The following KCNH4 variants were observed in gnomAD, a reference collection of about 807,000 sequenced individuals.
The protein encoded by KCNH4 is potassium voltage-gated channel subfamily H member 4.
A neutral mutation model predicts 90.7 loss-of-function variants in KCNH4; 33 were observed. That is an observed-to-expected ratio of 0.36 (90% CI 0.28 to 0.49). KCNH4 has a LOEUF of 0.49. Ranked by LOEUF, KCNH4 falls within the 20% of genes least tolerant of loss-of-function variation. The probability of loss-of-function intolerance (pLI) is 0.98; values close to 1 mark genes in which losing one functional copy is unlikely to be tolerated. For missense variants in KCNH4, 1,044 were observed against 1,387.1 expected (o/e 0.75, Z 3.93); for synonymous variants, 551 against 581.7 (o/e 0.95, Z 0.76).
chr17:42,162,136 G>A (rs2079753316), intron 15 of KCNH4, 112 bp downstream of exon 15: 1 of 833,084 alleles, frequency 1.2e-6, no homozygotes, highest in Non-Finnish European at 2.0e-6. Context: ...AGCAGAGATA[G>A]GGTTTCATCA....
chr17:42,172,816 C>T (rs1223216641), intron 6 of KCNH4, among the ~76,000 whole-genome samples: 1 of 151,940 alleles, frequency 6.6e-6, no homozygotes, highest in Non-Finnish European at 1.5e-5. Context: ...GCAACAGTCT[C>T]TGCAGAGCCC....
chr17:42,161,391 G>T (rs1007128538), intron 15 of KCNH4, among the ~76,000 whole-genome samples: 2 of 152,208 alleles, frequency 1.3e-5, no homozygotes, highest in Non-Finnish European at 2.9e-5. Context: ...TGGGATGCCC[G>T]ATGTTTATCA....
chr17:42,169,629 G>A lies in KCNH4; in HGVS notation c.1438C>T (p.Arg480Cys), dbSNP rs1226067625. Residue 480 changes from arginine (R) to cysteine (C), a missense_variant, in exon 9 of 17, where the codon CGC (arginine) becomes TGC (cysteine). This residue lies in a region of KCNH4 where 318 missense variants were observed against 479.6 expected (regional missense o/e 0.66). Transcript: ENST00000264661. ...VFGNVTAIIQRMYSRRSLYHS... is the reference protein window; with the variant it reads ...VFGNVTAIIQCMYSRRSLYHS... Reference sequence around the variant, plus strand: ...TAGAGCGAGCGGCGCGAGTACATGCGCTGGATGATGGCTGTCACGTTCCCG... The same window carrying A: ...TAGAGCGAGCGGCGCGAGTACATGCACTGGATGATGGCTGTCACGTTCCCG... The A allele has an allele frequency of 1.2e-6, 2 of 1,614,004 alleles. No homozygotes were observed. The highest frequency in any genetic ancestry group is 1.7e-6 in the Non-Finnish European group (2 of 1,180,008).
chr17:42,160,566 G>A, intron 15 of KCNH4, 131 bp from the exon 16 acceptor site: 5 of 928,276 alleles, frequency 5.4e-6, no homozygotes, highest in Non-Finnish European at 7.8e-6. Flanking sequence ...GCAGGATGAG[G>A]GTTATTTTTG....
In KCNH4 at chr17:42,163,144, G is replaced by A; in HGVS notation, c.2584+84C>T. ...ATTCCCAGGATGGCACCTGGCACAT[G>A]GTAGGCCCCTACTACATATGGGATG... is the stretch of plus-strand genomic sequence containing the variant. On this transcript the variant is annotated intron_variant, in intron 14 of 16. Transcript: ENST00000264661. The surrounding 1 kb of genome is among the most constrained non-coding windows in gnomAD (Gnocchi z 5.4). The A allele has an allele frequency of 2.1e-6, 2 of 942,784 alleles. No individual in the cohort carries two copies. Among genetic ancestry groups the A allele is most frequent in the Non-Finnish European group, 1.7e-6 (1 of 576,766 alleles). 58.4% of individuals were successfully genotyped at this position (942,784 alleles called of 1,614,324 possible).
intron 5 of KCNH4, 109 bp downstream of exon 5, chr17:42,175,945 G>C (rs2079857432): frequency 1.5e-6 from 2 of 1,356,956 alleles, no homozygotes; most frequent in African/African-American, 1.5e-5. Context: ...GATGCAGAAA[G>C]GAAGGGGCTC....
In KCNH4 at chr17:42,180,186, G is replaced by A. The variant is rs995453736; in HGVS notation, c.76+684C>T. On this transcript the variant is annotated intron_variant, in intron 1 of 16. Coordinates refer to ENST00000264661, the MANE Select transcript of KCNH4 (RefSeq NM_012285.3). The surrounding 1 kb of genome is among the most constrained non-coding windows in gnomAD (Gnocchi z 4.7). ...CATCCAGATCCCGGCCAGGGTTCCCGAGGGAATGGCGGGGTTGGGGGAGGT... is the reference window on the plus strand; with the variant it reads ...CATCCAGATCCCGGCCAGGGTTCCCAAGGGAATGGCGGGGTTGGGGGAGGT... Among the ~76,000 whole-genome samples, 1 of 152,246 alleles carries A rather than the reference G, an allele frequency of 6.6e-6. No individual in the cohort carries two copies. The highest frequency in any genetic ancestry group is 1.5e-5 in the Non-Finnish European group (1 of 68,034).
intron 11 of KCNH4, among the ~76,000 whole-genome samples, chr17:42,165,125 C>CA (rs1423726817): frequency 2.6e-5 from 4 of 151,330 alleles, no homozygotes; most frequent in Admixed American, 1.3e-4. Context: ...AAACAAAACC[C>CA]AAAAAAACAA....
chr17:42,169,745 A>C (rs978046396), intron 8 of KCNH4, 69 bp from the exon 9 acceptor site: 42 of 1,517,636 alleles, frequency 2.8e-5, no homozygotes, highest in South Asian at 6.8e-5. Context: ...TCCCAAACCC[A>C]CCCTGTCCTG....
At chr17:42,176,019 C>A (rs200748549) in intron 5 of KCNH4, 35 bp downstream of exon 5, 24 of 1,562,806 alleles carry the variant, frequency 1.5e-5, no homozygotes, top group Non-Finnish European at 2.1e-5. Context: ...TCCCCCCAGC[C>A]GACCCACCAG....
Position 42,180,829 on chromosome 17 carries a change from C to A in KCNH4, c.76+41G>T, listed in dbSNP as rs1354233273. 6.3e-7 allele frequency: 1 copy of A among 1,593,446 alleles called. No homozygotes were observed. The highest frequency in any genetic ancestry group is 1.1e-5 in the South Asian group (1 of 90,652). On this transcript the variant is annotated intron_variant, in intron 1 of 16. Coordinates refer to ENST00000264661, the MANE Select transcript of KCNH4 (RefSeq NM_012285.3). This position sits in a 1 kb window ranked among gnomAD's most constrained non-coding sequence, Gnocchi z 4.7. The stretch of plus-strand genomic sequence containing the variant: ...CGAGACGGCCCCGAGGATACTTGCC[C>A]CCCAGCTCGAACCTCAAGCCCCGAC...
Position 42,176,101 on chromosome 17 carries a change from C to A in KCNH4, c.782G>T (p.Arg261Leu). Residue 261 changes from arginine to leucine, a missense_variant, in exon 5 of 17, where the codon CGA (arginine) becomes CTA (leucine). Transcript: ENST00000264661. Reference sequence around the variant, plus strand: ...GGCGATGTCGCTGACAAGGGTGTGTCGCGAAGTGATGGGGGTGTCATCGTC... The same window carrying A: ...GGCGATGTCGCTGACAAGGGTGTGTAGCGAAGTGATGGGGGTGTCATCGTC... ...SGDDDTPITS[R>L]HTLVSDIAVE... The A allele has an allele frequency of 6.2e-7, 1 of 1,613,214 alleles. No homozygotes were observed. The highest frequency in any genetic ancestry group is 1.3e-5 in the African/African-American group (1 of 74,916).
chr17:42,175,323 C>T (rs751055174), intron 6 of KCNH4, among the ~76,000 whole-genome samples: 5 of 152,236 alleles, frequency 3.3e-5, no homozygotes, highest in Admixed American at 6.5e-5. Context: ...AGACCAATGC[C>T]GCCTTGGTAG....
chr17:42,164,536 C>T (rs961614576), intron 11 of KCNH4, among the ~76,000 whole-genome samples: 1 of 152,198 alleles, frequency 6.6e-6, no homozygotes, highest in Non-Finnish European at 1.5e-5. Flanking sequence ...GGCATGGTGG[C>T]TCACGCCTGT....
At chr17:42,171,672 T>G in intron 7 of KCNH4, 116 bp downstream of exon 7, 1 of 940,602 alleles carries the variant, frequency 1.1e-6, no homozygotes, top group Non-Finnish European at 1.7e-6. Flanking sequence ...TCAACGCATG[T>G]TTGTTGGATG....
chr17:42,170,487 A>G (rs2079820139), intron 7 of KCNH4, among the ~76,000 whole-genome samples, 186 bp from the exon 8 acceptor site: 1 of 152,250 alleles, frequency 6.6e-6, no homozygotes, highest in Admixed American at 6.5e-5. Context: ...AAGGCCGCCA[A>G]CTAACTACAT....
intron 16 of KCNH4, among the ~76,000 whole-genome samples, chr17:42,157,508 C>T (rs2079717631): frequency 6.6e-6 from 1 of 152,126 alleles, no homozygotes; most frequent in Non-Finnish European, 1.5e-5. Flanking sequence ...GAGTGCAGAG[C>T]AGATCCCATC....
At chr17:42,179,164 C>G (rs1238667266) in intron 1 of KCNH4, 138 bp from the exon 2 acceptor site, 17 of 627,966 alleles carry the variant, frequency 2.7e-5, no homozygotes, top group Non-Finnish European at 4.5e-5. Context: ...CCTGACCCCA[C>G]TTTGGGATAT....
chr17:42,159,407 T>A (rs2079729939), intron 16 of KCNH4, among the ~76,000 whole-genome samples: 1 of 152,098 alleles, frequency 6.6e-6, no homozygotes, highest in Non-Finnish European at 1.5e-5. Flanking sequence ...TCTGGAGCCA[T>A]CCGTTTGTTT....
Sources: allele counts gnomAD v4.1 joint callset (sites outside exome capture counted in the v4.1 genomes callset), GRCh38; gene constraint gnomAD v4.1.1; regional missense constraint gnomAD v4.1.1; non-coding constraint Gnocchi (gnomAD v3.1); transcripts MANE v1.5; gene names NCBI Gene and HGNC (gene_info 2026-07-23, HGNC 2026-07-21).